Variants in FOCAD observed in about 807,000 individuals in gnomAD.
FOCAD encodes the protein KIAA1797.
FOCAD carries 198 observed loss-of-function variants against 225.6 expected under a neutral mutation model. The observed-to-expected ratio is 0.88, with a 90% CI of 0.78 to 0.99. FOCAD has a LOEUF of 0.99. FOCAD is among the 50% of genes least tolerant of loss of function. The pLI is 0.00. For synonymous variants in FOCAD, 897 were observed against 755.0 expected, an observed-to-expected ratio of 1.19 and a Z score of -3.08; for missense variants, 2,713 against 2,123.6, an observed-to-expected ratio of 1.28 and a Z score of -5.46.
At position 20,858,552 on chromosome 9, in the gene FOCAD, A is replaced by C. The variant is rs187801627; in HGVS notation, c.1921-4026A>C. Reference sequence around the variant, plus strand: ...TTTTACTCATCTTTTCAAGAAACCAACTTTTCATTTCATTAATCTTTTTGT... The same window carrying C: ...TTTTACTCATCTTTTCAAGAAACCACCTTTTCATTTCATTAATCTTTTTGT... On this transcript the variant is annotated intron_variant, in intron 15 of 43. Coordinates refer to ENST00000338382, the MANE Select transcript of FOCAD (RefSeq NM_001375567.1). Among the ~76,000 whole-genome samples the C allele has an allele frequency of 2.0e-5, 3 of 152,110 alleles. No homozygotes were observed. In the East Asian group the frequency reaches 5.8e-4, roughly 29 times the overall value.
chr9:20,967,766 T>C (rs529097916), intron 35 of FOCAD, among the ~76,000 whole-genome samples: 1 of 152,276 alleles, frequency 6.6e-6, no homozygotes, highest in Non-Finnish European at 1.5e-5. Flanking sequence ...ATTAATGTTA[T>C]ATATTACCCT....
intron 21 of FOCAD, among the ~76,000 whole-genome samples, chr9:20,893,356 T>A (rs1389928843): frequency 6.6e-6 from 1 of 152,092 alleles, no homozygotes; most frequent in Non-Finnish European, 1.5e-5. Context: ...AATGCATTTG[T>A]CTGGGACCAA....
At chr9:20,874,396 C>T (rs1830052045) in intron 18 of FOCAD, 2 of 235,810 alleles carry the variant, frequency 8.5e-6, no homozygotes, top group Non-Finnish European at 8.0e-6. Context: ...TATTAGTTTT[C>T]TATAATAATC....
Position 20,990,170 on chromosome 9 carries a change from G to C in FOCAD, c.5052G>C (p.Trp1684Cys). The change falls in exon 42 of 44, where the codon TGG (tryptophan) becomes TGC (cysteine). Residue 1684 changes from tryptophan to cysteine, a missense_variant. Physicochemically the swap from Trp to Cys is radical, Grantham distance 215 (BLOSUM62 -2). Transcript: ENST00000338382. ...TATTTGCAACCGCAGTGGTTGCATG[G>C]GCTGACCACACTGCCCCTCTCCTCC... ...LLIFATAVVA[W>C]ADHTAPLLLG... 6.2e-7 allele frequency: 1 copy of C among 1,614,166 alleles called. No homozygotes were observed.
intron 2 of FOCAD, among the ~76,000 whole-genome samples, chr9:20,673,985 G>T (rs554861521): frequency 8.5e-5 from 13 of 152,112 alleles, no homozygotes; most frequent in African/African-American, 2.4e-4. Context: ...GTTCTTTAAG[G>T]TAAAAAGGCT....
chr9:20,781,703 G>T, intron 9 of FOCAD, 24 bp from the exon 10 acceptor site: 1 of 1,605,656 alleles, frequency 6.2e-7, no homozygotes, highest in Non-Finnish European at 8.5e-7. Flanking sequence ...TTTTAAAAAT[G>T]TGCATTATTG....
At chr9:20,945,105 A>G (rs1006092976) in intron 29 of FOCAD, among the ~76,000 whole-genome samples, 2 of 152,238 alleles carry the variant, frequency 1.3e-5, no homozygotes, top group African/African-American at 4.8e-5. Context: ...CAAGCCAAAT[A>G]TAACTTTCAA....
At chr9:20,833,864 A>C (rs1825741864) in intron 15 of FOCAD, among the ~76,000 whole-genome samples, 1 of 152,156 alleles carries the variant, frequency 6.6e-6, no homozygotes, top group Admixed American at 6.6e-5. Context: ...TAAATATTGG[A>C]GAATATATGA....
chr9:20,814,427 C>G (rs1221112744), intron 11 of FOCAD, among the ~76,000 whole-genome samples: 1 of 151,680 alleles, frequency 6.6e-6, no homozygotes, highest in African/African-American at 2.4e-5. Context: ...ACGATCTTGG[C>G]TCACTGGAAC....
intron 6 of FOCAD, among the ~76,000 whole-genome samples, chr9:20,761,543 C>G (rs779229118): frequency 2.6e-5 from 4 of 152,048 alleles, no homozygotes; most frequent in African/African-American, 9.7e-5. Flanking sequence ...GCCTCAGCCT[C>G]CTGGGTAGCT....
At chr9:20,666,904 A>G (rs1005004185) in intron 2 of FOCAD, among the ~76,000 whole-genome samples, 2 of 152,222 alleles carry the variant, frequency 1.3e-5, no homozygotes, top group Non-Finnish European at 1.5e-5. Context: ...AAATCCATAA[A>G]TTATTTTTTG....
At chr9:20,815,488 A>G (rs746530667) in intron 11 of FOCAD, among the ~76,000 whole-genome samples, 3 of 151,840 alleles carry the variant, frequency 2.0e-5, no homozygotes, top group East Asian at 1.9e-4. Flanking sequence ...TATAGTATCC[A>G]GTATCTTGGT....
chr9:20,748,935 T>C (rs1828302407), intron 5 of FOCAD, among the ~76,000 whole-genome samples: 1 of 152,188 alleles, frequency 6.6e-6, no homozygotes, highest in South Asian at 2.1e-4. Context: ...ATTGAAAGAT[T>C]GGGATTATAA....
At chr9:20,877,257 A>G (rs1830305292) in intron 19 of FOCAD, among the ~76,000 whole-genome samples, 1 of 152,228 alleles carries the variant, frequency 6.6e-6, no homozygotes, top group Admixed American at 6.5e-5. Context: ...CAAATCCCGA[A>G]TAGCATAATT....
intron 11 of FOCAD, among the ~76,000 whole-genome samples, chr9:20,798,738 TTTC>T (rs1226456189): frequency 6.6e-6 from 1 of 152,146 alleles, no homozygotes; most frequent in Admixed American, 6.5e-5. Flanking sequence ...TCTTCTCTCT[TTTC>T]TTCTTTATTA....
chr9:20,707,478 C>T (rs542292091), intron 1 of FOCAD, among the ~76,000 whole-genome samples: 1 of 152,078 alleles, frequency 6.6e-6, no homozygotes, highest in Non-Finnish European at 1.5e-5. Context: ...ACTTTTTACT[C>T]CCCAAGAACT....
chr9:20,866,917 T>TTTTTTTTTTTTTTAA lies in FOCAD; in HGVS notation c.2107-12_2107-11insTTTTTTTTTTTTTAA. Reference sequence around the variant, plus strand: ...TTTTTTTTTTTTTTTTTTTTTTTTTTACCCTATCTAGGACCCAATTGTAGC... The same window carrying TTTTTTTTTTTTTTAA: ...TTTTTTTTTTTTTTTTTTTTTTTTTTTTTTTTTTTTTTTAAACCCTATCTAGGACCCAATTGTAGC... On this transcript the variant is annotated splice_polypyrimidine_tract_variant and intron_variant, in intron 17 of 43. Transcript: ENST00000338382. 2 of 764,970 alleles carry TTTTTTTTTTTTTTAA rather than the reference T, an allele frequency of 2.6e-6. No homozygotes were observed. The highest frequency in any genetic ancestry group is 4.0e-6 in the Non-Finnish European group (2 of 498,468). 47.4% of individuals were successfully genotyped at this position (764,970 alleles called of 1,614,324 possible).
chr9:20,908,667 A>G (rs1833181269), intron 22 of FOCAD, among the ~76,000 whole-genome samples: 1 of 152,124 alleles, frequency 6.6e-6, no homozygotes, highest in African/African-American at 2.4e-5. Flanking sequence ...CTGGGCACCC[A>G]GCATGTTTTG....
intron 35 of FOCAD, among the ~76,000 whole-genome samples, chr9:20,958,791 T>A (rs1215107445): frequency 6.6e-6 from 1 of 152,204 alleles, no homozygotes; most frequent in Admixed American, 6.5e-5. Flanking sequence ...CATGTGCTAT[T>A]TAACTTTCTG....
Sources: allele counts gnomAD v4.1 joint callset (sites outside exome capture counted in the v4.1 genomes callset), GRCh38; gene constraint gnomAD v4.1.1; transcripts MANE v1.5; gene names NCBI Gene and HGNC (gene_info 2026-07-23, HGNC 2026-07-21).